NFAT5: variants seen among roughly 807,000 people sequenced by gnomAD.
NFAT5 encodes the protein nuclear factor of activated T cells 5.
In NFAT5, 31 loss-of-function variants were observed where a neutral mutation model predicts 166.5. The ratio of observed to expected loss-of-function variants is 0.19; its 90% CI spans 0.14 to 0.25. The LOEUF (loss-of-function observed/expected upper bound fraction) is 0.25, where lower values mean the gene tolerates loss of function less well. Ranked by LOEUF, NFAT5 falls within the 10% of genes least tolerant of loss-of-function variation. NFAT5 has a pLI of 1.00. For missense variants in NFAT5, 1,449 were observed against 1,821.8 expected (o/e 0.80, Z 3.72); for synonymous variants, 612 against 639.7 (o/e 0.96, Z 0.65).
At chr16:69,695,882 A>C (rs1007158455) in intron 14 of NFAT5, among the ~76,000 whole-genome samples, 4 of 152,194 alleles carry the variant, frequency 2.6e-5, no homozygotes, top group Admixed American at 2.0e-4. Context: ...CCAAGGGTAA[A>C]AAAGATCCTT....
In NFAT5 at chr16:69,695,454, A is replaced by G. The variant is rs1276409003; in HGVS notation, c.*8+75A>G. 5 of 1,002,990 alleles carry G rather than the reference A, an allele frequency of 5.0e-6. No individual in the cohort carries two copies. In the African/African-American group the frequency reaches 8.1e-5, roughly 16 times the overall value. The allele number at this position is 1,002,990 out of a possible 1,614,324, so 62.1% of individuals were successfully genotyped here. On this transcript the variant is annotated intron_variant, in intron 14 of 14. Transcript: ENST00000349945. Reference sequence around the variant, plus strand: ...TCTTAACAGATTTAGGTTAAGTAATAGTAGTTCTAATCTTTTAAAATGTGG... The same window carrying G: ...TCTTAACAGATTTAGGTTAAGTAATGGTAGTTCTAATCTTTTAAAATGTGG...
chr16:69,669,409 G>T (rs2036535208), intron 7 of NFAT5, among the ~76,000 whole-genome samples: 1 of 152,126 alleles, frequency 6.6e-6, no homozygotes, highest in African/African-American at 2.4e-5. Context: ...GCTGGGCGTG[G>T]TAGTGTGCAT....
At chr16:69,657,377 A>C (rs1399805229) in intron 6 of NFAT5, among the ~76,000 whole-genome samples, 2 of 151,298 alleles carry the variant, frequency 1.3e-5, no homozygotes, top group Non-Finnish European at 2.9e-5. Flanking sequence ...TGATCCGCCC[A>C]CCTCAGGCTC....
At position 69,566,504 on chromosome 16, in the gene NFAT5, C is replaced by A. The variant is rs528351396; in HGVS notation, c.73+130C>A. On this transcript the variant is annotated intron_variant, in intron 1 of 14. Transcript: ENST00000349945. The surrounding 1 kb of genome is among the most constrained non-coding windows in gnomAD (Gnocchi z 5.7). The stretch of plus-strand genomic sequence containing the variant: ...GCCGCGACCCCCATGGCTTCTTTGG[C>A]CGGAGCGGGCAGAGGCCGAAGGGAT... 1,621 of 796,216 alleles carry A rather than the reference C, an allele frequency of 2.0e-3. 4 individuals are homozygous for A. Among genetic ancestry groups the A allele is most frequent in the Non-Finnish European group, 2.9e-3 (1,388 of 477,530 alleles). The allele number at this position is 796,216 out of a possible 1,614,324, so 49.3% of individuals were successfully genotyped here. A position where few individuals can be genotyped will look rare whatever the true frequency, so the allele number is the denominator to read the frequency against.
Position 69,647,100 on chromosome 16 carries a change from C to T in NFAT5, c.326C>T (p.Thr109Ile), listed in dbSNP as rs2151621305. 6.2e-7 allele frequency: 1 copy of T among 1,613,092 alleles called. No individual in the cohort carries two copies. Among genetic ancestry groups the T allele is most frequent in the South Asian group, 1.1e-5 (1 of 90,942 alleles). The change falls in exon 4 of 15, where the codon ACC becomes ATC. Residue 109 changes from threonine to isoleucine, a missense_variant. Thr to Ile is a moderately conservative substitution (Grantham distance 89, BLOSUM62 -1). Transcript: ENST00000349945. This position sits in a 1 kb window ranked among gnomAD's most constrained non-coding sequence, Gnocchi z 4.8. ...CSSFTTSSSP[T>I]IYSTSVTDSK... ...TCCTTTACCACCTCTTCCAGCCCTA[C>T]CATTTATTCTACCTCAGTCACCGAC...
At chr16:69,624,275 G>A (rs111555056) in intron 2 of NFAT5, among the ~76,000 whole-genome samples, 7 of 151,756 alleles carry the variant, frequency 4.6e-5, no homozygotes, top group South Asian at 2.1e-4. Context: ...GCGTGATCTC[G>A]GCTCACTGCA....
chr16:69,570,988 A>T (rs1002142597), intron 2 of NFAT5, among the ~76,000 whole-genome samples: 1 of 152,140 alleles, frequency 6.6e-6, no homozygotes, highest in African/African-American at 2.4e-5. Context: ...AAGTTAAAAA[A>T]TTTTTAAAAA....
At chr16:69,589,830 A>G (rs2032347330) in intron 2 of NFAT5, among the ~76,000 whole-genome samples, 1 of 151,996 alleles carries the variant, frequency 6.6e-6, no homozygotes, top group Non-Finnish European at 1.5e-5. Flanking sequence ...TTTTTCTTCC[A>G]TCATAGATGA....
intron 7 of NFAT5, among the ~76,000 whole-genome samples, chr16:69,661,480 A>G (rs530447038): frequency 7.2e-6 from 1 of 138,006 alleles, no homozygotes; most frequent in Admixed American, 7.6e-5. Context: ...GAGTTTTGAG[A>G]TAGCAGTGAG....
intron 9 of NFAT5, among the ~76,000 whole-genome samples, chr16:69,670,658 A>T (rs2036589326): frequency 6.6e-6 from 1 of 152,214 alleles, no homozygotes; most frequent in Non-Finnish European, 1.5e-5. Context: ...ATATTTGTTA[A>T]ACCTTCTTGT....
intron 3 of NFAT5, chr16:69,644,711 C>G (rs571559645): frequency 2.9e-6 from 1 of 348,354 alleles, no homozygotes; most frequent in African/African-American, 2.2e-5. Context: ...AAGGTTATAT[C>G]GTGCATATTA....
At chr16:69,626,300 A>G (rs1487419356) in intron 2 of NFAT5, 103 bp from the exon 3 acceptor site, 12 of 1,051,480 alleles carry the variant, frequency 1.1e-5, no homozygotes, top group Non-Finnish European at 1.6e-5. Context: ...TGAATAATAC[A>G]GTTCTCCTCA....
At chr16:69,651,786 T>C (rs144617333) in intron 4 of NFAT5, among the ~76,000 whole-genome samples, 46 of 151,942 alleles carry the variant, frequency 3.0e-4, no homozygotes, top group African/African-American at 1.0e-3. Flanking sequence ...TTCTCCTGCC[T>C]CAGCCTCCCG....
intron 2 of NFAT5, among the ~76,000 whole-genome samples, chr16:69,617,984 A>G (rs1480864556): frequency 2.0e-5 from 3 of 151,764 alleles, no homozygotes; most frequent in African/African-American, 7.3e-5. Flanking sequence ...CATGGAGAAA[A>G]CCTGTCTCTA....
chr16:69,682,556 C>G lies in NFAT5; in HGVS notation c.1691-2331C>G, dbSNP rs183651820. Among the ~76,000 whole-genome samples, 339 of 151,962 alleles carry G rather than the reference C, an allele frequency of 2.2e-3. 2 individuals carry two copies. Among genetic ancestry groups the G allele is most frequent in the South Asian group, 5.8e-3 (28 of 4,806 alleles). On this transcript the variant is annotated intron_variant, in intron 10 of 14. Transcript: ENST00000349945. Reference sequence around the variant, plus strand: ...ATCGCTTGAGCCTGAGAGATTGAGGCTCCAGTAAGCCGTGATCATGCCAAT... The same window carrying G: ...ATCGCTTGAGCCTGAGAGATTGAGGGTCCAGTAAGCCGTGATCATGCCAAT...
intron 3 of NFAT5, among the ~76,000 whole-genome samples, chr16:69,629,768 ATT>A (rs761809860): frequency 2.4e-4 from 27 of 111,712 alleles, no homozygotes; most frequent in Middle Eastern, 0.01. Context: ...CACTGGGCTA[ATT>A]TTTTTTTTTT....
In NFAT5 at chr16:69,696,653, C is replaced by T. The variant is rs2037775848; in HGVS notation, c.*302C>T. On this transcript the variant is annotated 3_prime_UTR_variant, in exon 15 of 15. Coordinates refer to ENST00000349945, the MANE Select transcript of NFAT5 (RefSeq NM_138713.4). ...CCTAGGCGCAATTTCCTTAAACGTA[C>T]AGTTTAAATTCAAGGCTGGACCACT... The T allele has an allele frequency of 6.6e-6, 1 of 152,562 alleles. No individual in the cohort carries two copies. Among genetic ancestry groups the T allele is most frequent in the African/African-American group, 2.4e-5 (1 of 41,428 alleles). The allele number at this position is 152,562 out of a possible 1,614,324, so 9.5% of individuals were successfully genotyped here.
At chr16:69,653,527 C>A in intron 5 of NFAT5, 99 bp downstream of exon 5, 1 of 752,018 alleles carries the variant, frequency 1.3e-6, no homozygotes, top group Non-Finnish European at 2.0e-6. Flanking sequence ...GAATTTTCTT[C>A]CCTCATATTT....
At chr16:69,636,428 G>T (rs1226773059) in intron 3 of NFAT5, among the ~76,000 whole-genome samples, 1 of 152,196 alleles carries the variant, frequency 6.6e-6, no homozygotes, top group African/African-American at 2.4e-5. Flanking sequence ...TACGGACTCT[G>T]TGTGGGGTCT....
Sources: allele counts gnomAD v4.1 joint callset (sites outside exome capture counted in the v4.1 genomes callset), GRCh38; gene constraint gnomAD v4.1.1; non-coding constraint Gnocchi (gnomAD v3.1); transcripts MANE v1.5; gene names NCBI Gene and HGNC (gene_info 2026-07-23, HGNC 2026-07-21).